NOL4: variants seen among roughly 807,000 people sequenced by gnomAD.
The protein encoded by NOL4 is nucleolar protein 4.
In NOL4, 17 loss-of-function variants were observed where a neutral mutation model predicts 75.9. The ratio of observed to expected loss-of-function variants is 0.22; its 90% CI spans 0.15 to 0.34. NOL4 has a LOEUF of 0.34. NOL4 is among the 10% of genes least tolerant of loss of function. NOL4 has a pLI of 1.00. For synonymous variants in NOL4, 292 were observed against 289.9 expected (o/e 1.01, Z -0.07); for missense variants, 614 against 793.5 (o/e 0.77, Z 2.72).
chr18:34,116,715 G>A (rs992172691), intron 2 of NOL4, among the ~76,000 whole-genome samples: 1 of 152,022 alleles, frequency 6.6e-6, no homozygotes, highest in Non-Finnish European at 1.5e-5. Context: ...ATAACAAATT[G>A]TTGTTTTGCT....
At chr18:34,072,433 C>CAG (rs60622343) in intron 5 of NOL4, among the ~76,000 whole-genome samples, 63,852 of 151,786 alleles carry the variant, frequency 0.42, 13,564 homozygotes, top group South Asian at 0.54. Flanking sequence ...TTATTAATAA[C>CAG]AACTTCAGTA....
At chr18:33,880,849 C>T (rs540622911) in intron 10 of NOL4, among the ~76,000 whole-genome samples, 1 of 151,698 alleles carries the variant, frequency 6.6e-6, no homozygotes, top group Admixed American at 6.6e-5. Context: ...AGCAATCATT[C>T]AGTTATATAA....
chr18:34,126,890 C>A (rs910349421), intron 2 of NOL4, among the ~76,000 whole-genome samples: 1 of 151,944 alleles, frequency 6.6e-6, no homozygotes, highest in Non-Finnish European at 1.5e-5. Flanking sequence ...TACACCTCTT[C>A]TCCGTTTTGT....
chr18:34,223,037 C>T lies in NOL4; in HGVS notation c.217G>A (p.Gly73Arg). 6.2e-7 allele frequency: 1 copy of T among 1,613,400 alleles called. No individual in the cohort carries two copies. The highest frequency in any genetic ancestry group is 8.5e-7 in the Non-Finnish European group (1 of 1,180,036). The change falls in exon 1 of 11, where the codon GGA (glycine) becomes AGA (arginine). Residue 73 changes from glycine to arginine, a missense_variant. Physicochemically the swap from Gly to Arg is moderately radical, Grantham distance 125. This residue lies in a region of NOL4 where 49 missense variants were observed against 39.6 expected (regional missense o/e 1.24). Transcript: ENST00000261592. ...QLGQPDEVRG[G>R]GGGAKQVLYV... ...AGCACTTGCTTGGCGCCGCCGCCTCCCCCGCGGACCTCGTCCGGCTGGCCC... is the reference window on the plus strand; with the variant it reads ...AGCACTTGCTTGGCGCCGCCGCCTCTCCCGCGGACCTCGTCCGGCTGGCCC...
intron 8 of NOL4, among the ~76,000 whole-genome samples, chr18:33,948,624 A>T (rs893242210): frequency 5.3e-5 from 8 of 152,046 alleles, no homozygotes; most frequent in Non-Finnish European, 1.0e-4. Context: ...ATTCTTAAAA[A>T]TGACAAAACT....
intron 10 of NOL4, among the ~76,000 whole-genome samples, chr18:33,857,592 GA>G (rs967472377): frequency 2.6e-5 from 4 of 151,658 alleles, no homozygotes; most frequent in Middle Eastern, 3.2e-3. Context: ...CCCTGATCTG[GA>G]AAAAAAATTG....
At chr18:34,017,405 C>G (rs1423035915) in intron 6 of NOL4, among the ~76,000 whole-genome samples, 1 of 152,020 alleles carries the variant, frequency 6.6e-6, no homozygotes, top group Non-Finnish European at 1.5e-5. Flanking sequence ...GTATACCTAT[C>G]CATAGTGAAA....
intron 1 of NOL4, among the ~76,000 whole-genome samples, chr18:34,190,073 T>C (rs967950006): frequency 2.7e-5 from 4 of 149,414 alleles, no homozygotes; most frequent in African/African-American, 9.8e-5. Context: ...TACATATACA[T>C]ACACACACAC....
chr18:34,038,919 T>C (rs1285821247), intron 5 of NOL4, among the ~76,000 whole-genome samples: 4 of 152,078 alleles, frequency 2.6e-5, no homozygotes, highest in Non-Finnish European at 5.9e-5. Flanking sequence ...TTCAAGGTGA[T>C]GAAATGATAA....
At chr18:33,971,467 C>T (rs191688661) in intron 6 of NOL4, among the ~76,000 whole-genome samples, 79 of 152,242 alleles carry the variant, frequency 5.2e-4, no homozygotes, top group Non-Finnish European at 9.6e-4. Context: ...ATTCAGAGAT[C>T]CTAGACTTGA....
In NOL4 at chr18:33,927,788, C is replaced by A. The variant is rs192929503; in HGVS notation, c.1542+15277G>T. On this transcript the variant is annotated intron_variant, in intron 9 of 10. Coordinates refer to ENST00000261592, the MANE Select transcript of NOL4 (RefSeq NM_003787.5). ...TTTAGAAATCCCAGTTATGTAGAAA[C>A]ACTAATGCCCCAAAGTGCTAAATAA... Among the ~76,000 whole-genome samples the A allele has an allele frequency of 1.7e-4, 26 of 152,072 alleles. No individual in the cohort carries two copies. The East Asian group carries it at 4.6e-3, about 27-fold the overall frequency.
chr18:33,884,733 T>C (rs2064531285), intron 9 of NOL4, among the ~76,000 whole-genome samples: 1 of 152,130 alleles, frequency 6.6e-6, no homozygotes, highest in South Asian at 2.1e-4. Flanking sequence ...AGTATGTGGT[T>C]AATGGAACAA....
intron 9 of NOL4, among the ~76,000 whole-genome samples, chr18:33,891,366 T>C (rs1183613654): frequency 6.6e-6 from 1 of 152,108 alleles, no homozygotes; most frequent in Non-Finnish European, 1.5e-5. Context: ...CTTTCTTCTA[T>C]TTTACACTTA....
At chr18:33,921,856 C>CT (rs1255418789) in intron 9 of NOL4, among the ~76,000 whole-genome samples, 2 of 152,192 alleles carry the variant, frequency 1.3e-5, no homozygotes, top group African/African-American at 4.8e-5. Context: ...ATTCATCCCC[C>CT]TTCCCCTTTT....
At chr18:34,163,194 CCT>C (rs1477321288) in intron 1 of NOL4, among the ~76,000 whole-genome samples, 1 of 152,098 alleles carries the variant, frequency 6.6e-6, no homozygotes, top group Non-Finnish European at 1.5e-5. Context: ...ACAGGGATGC[CCT>C]CTCTCACCAC....
At chr18:33,894,367 A>C (rs943110532) in intron 9 of NOL4, among the ~76,000 whole-genome samples, 4 of 152,136 alleles carry the variant, frequency 2.6e-5, no homozygotes, top group Non-Finnish European at 4.4e-5. Flanking sequence ...ATATACAACA[A>C]CACACAGGAA....
At chr18:34,208,102 C>G (rs939360330) in intron 1 of NOL4, among the ~76,000 whole-genome samples, 17 of 152,004 alleles carry the variant, frequency 1.1e-4, no homozygotes, top group African/African-American at 4.1e-4. Flanking sequence ...CTGAGGCTGC[C>G]CTTAGATTAA....
intron 10 of NOL4, among the ~76,000 whole-genome samples, chr18:33,866,585 C>A (rs1398238083): frequency 2.6e-5 from 4 of 152,136 alleles, no homozygotes; most frequent in Non-Finnish European, 5.9e-5. Context: ...CAGTAAATGA[C>A]CTTTCTACCC....
chr18:34,028,236 G>A (rs745721890), intron 5 of NOL4, among the ~76,000 whole-genome samples: 17 of 152,090 alleles, frequency 1.1e-4, no homozygotes, highest in Admixed American at 2.0e-4. Context: ...TGGATAAAGC[G>A]CAGTAGATTC....
Sources: gnomAD v4.1 joint callset for allele counts (sites outside exome capture counted in the v4.1 genomes callset) on GRCh38, gnomAD v4.1.1 for gene constraint, gnomAD v4.1.1 regional missense constraint, MANE v1.5 for transcripts, NCBI Gene and HGNC (gene_info 2026-07-23, HGNC 2026-07-21) for gene names.